Variants in PHLDB1 observed in about 807,000 individuals in gnomAD.
PHLDB1 encodes the protein pleckstrin homology-like domain family B member 1.
Under a neutral mutation model 139.3 loss-of-function variants are expected in PHLDB1, and 65 were observed. The ratio of observed to expected loss-of-function variants is 0.47; its 90% confidence interval spans 0.38 to 0.57. The LOEUF is 0.57. Ranked by LOEUF, PHLDB1 falls within the 20% of genes least tolerant of loss-of-function variation. The pLI is 0.00. For synonymous variants in PHLDB1, 679 were observed against 734.5 expected (o/e 0.92, Z 1.22); for missense variants, 1,624 against 1,839.7 (o/e 0.88, Z 2.14).
At position 118,657,030 on chromosome 11, in the gene PHLDB1, G is replaced by A. The variant is rs917143882; in HGVS notation, c.*207G>A. ...GGGTCCTGCCCCAGGCCCAGCCAGG[G>A]CTGAGGAGCTGTCACAGAGAGGGCC... On this transcript the variant is annotated 3_prime_UTR_variant, in exon 23 of 23. Transcript: ENST00000600882. 2.1e-5 allele frequency: 10 copies of A among 478,136 alleles called. No homozygotes were observed. Among genetic ancestry groups the A allele is most frequent in the South Asian group, 1.9e-4 (5 of 25,978 alleles). The allele number at this position is 478,136 out of a possible 1,614,324, so 29.6% of individuals were successfully genotyped here. A position where few individuals can be genotyped will look rare whatever the true frequency, so the allele number is the denominator to read the frequency against.
Position 118,608,130 on chromosome 11 carries a change from C to T in PHLDB1, c.-22+431C>T, listed in dbSNP as rs1042327090. Among the ~76,000 whole-genome samples the T allele has an allele frequency of 6.6e-6, 1 of 152,016 alleles. No homozygotes were observed. Among genetic ancestry groups the T allele is most frequent in the Admixed American group, 6.5e-5 (1 of 15,286 alleles). On this transcript the variant is annotated intron_variant, in intron 1 of 22. Transcript: ENST00000600882. This position sits in a 1 kb window ranked among gnomAD's most constrained non-coding sequence, Gnocchi z 6.7. ...CTCCGCCCACAGCAGGACCTTGGGGCGGGGGTATCTCCTGTGACGTCTCCC... is the reference window on the plus strand; with the variant it reads ...CTCCGCCCACAGCAGGACCTTGGGGTGGGGGTATCTCCTGTGACGTCTCCC...
chr11:118,643,155 G>A (rs1340739409), intron 13 of PHLDB1, among the ~76,000 whole-genome samples: 1 of 152,216 alleles, frequency 6.6e-6, no homozygotes, highest in African/African-American at 2.4e-5. Context: ...GCTGGTTAGA[G>A]ATTTTAACGT....
intron 9 of PHLDB1, chr11:118,635,098 A>C: frequency 2.2e-4 from 107 of 477,708 alleles, no homozygotes; most frequent in East Asian, 4.2e-4. Flanking sequence ...GCCACGCCCC[A>C]GAAGGAAGAG....
Position 118,631,328 on chromosome 11 carries a change from G to A in PHLDB1, c.1949G>A (p.Gly650Asp). 6.5e-7 allele frequency: 1 copy of A among 1,542,342 alleles called. No homozygotes were observed. The highest frequency in any genetic ancestry group is 1.2e-5 in the South Asian group (1 of 80,996). Residue 650 changes from glycine to aspartate, a missense_variant, in exon 7 of 23, where the codon GGC becomes GAC. Physicochemically the swap from Gly to Asp is moderately conservative, Grantham distance 94 (BLOSUM62 -1). Coordinates refer to ENST00000600882, the MANE Select transcript of PHLDB1 (RefSeq NM_001144758.3). ...GEATAALALA[G>D]RRPSRGLAGA... ...GCCACCGCAGCATTGGCACTGGCAG[G>A]CCGGAGGCCCTCACGAGGCCTTGCA...
chr11:118,644,925 A>AG (rs1947227095), intron 15 of PHLDB1: 1 of 268,684 alleles, frequency 3.7e-6, no homozygotes, highest in African/African-American at 2.3e-5. Context: ...TCTGCATTGC[A>AG]GGGGGGTCTG....
chr11:118,625,308 C>T (rs1156599683), intron 5 of PHLDB1, among the ~76,000 whole-genome samples: 1 of 152,210 alleles, frequency 6.6e-6, no homozygotes, highest in Non-Finnish European at 1.5e-5. Flanking sequence ...CCAGCTTGTA[C>T]CCCACTGCCC....
chr11:118,613,692 A>G (rs1349994043), intron 1 of PHLDB1, 124 bp from the exon 2 acceptor site: 14 of 640,420 alleles, frequency 2.2e-5, no homozygotes, highest in Non-Finnish European at 3.2e-5. Context: ...TCCCTTCAGC[A>G]TGAGCATTTG....
At position 118,611,795 on chromosome 11, in the gene PHLDB1, G is replaced by A. The variant is rs1555084081; in HGVS notation, c.-21-2021G>A. ...ATAGCACCGCTGCACTCCAGCCTGG[G>A]CAACAAGAGTGAAACTCCGTCTCAA... On this transcript the variant is annotated intron_variant, in intron 1 of 22. Coordinates refer to ENST00000600882, the MANE Select transcript of PHLDB1 (RefSeq NM_001144758.3). The surrounding 1 kb of genome is among the most constrained non-coding windows in gnomAD (Gnocchi z 4.7). Among the ~76,000 whole-genome samples the A allele has an allele frequency of 6.7e-6, 1 of 149,732 alleles. No homozygotes were observed. The highest frequency in any genetic ancestry group is 6.7e-5 in the Admixed American group (1 of 14,974).
chr11:118,609,829 C>T (rs1555082190), intron 1 of PHLDB1, among the ~76,000 whole-genome samples: 1 of 152,234 alleles, frequency 6.6e-6, no homozygotes, highest in Non-Finnish European at 1.5e-5. Flanking sequence ...CGCTACCTTG[C>T]GGAAACCTCC....
Position 118,610,022 on chromosome 11 carries a change from C to G in PHLDB1, c.-22+2323C>G, listed in dbSNP as rs1326519869. Among the ~76,000 whole-genome samples, 5 of 151,758 alleles carry G rather than the reference C, an allele frequency of 3.3e-5. No individual in the cohort carries two copies. Among genetic ancestry groups the G allele is most frequent in the Admixed American group, 2.0e-4 (3 of 15,252 alleles). ...CTCTCCTTCGCCCCATCTCCCCGCCCGTCAGCCTCCCCTCCGCTGCCCTCG... is the reference window on the plus strand; with the variant it reads ...CTCTCCTTCGCCCCATCTCCCCGCCGGTCAGCCTCCCCTCCGCTGCCCTCG... On this transcript the variant is annotated intron_variant, in intron 1 of 22. Transcript: ENST00000600882. This position sits in a 1 kb window ranked among gnomAD's most constrained non-coding sequence, Gnocchi z 8.7.
intron 5 of PHLDB1, among the ~76,000 whole-genome samples, chr11:118,626,634 C>T (rs1033911836): frequency 1.3e-5 from 2 of 150,922 alleles, no homozygotes; most frequent in East Asian, 2.0e-4. Flanking sequence ...ACATCCATTT[C>T]GGCTTCACAA....
chr11:118,649,955 C>T (rs1015642641), intron 18 of PHLDB1, 122 bp from the exon 19 acceptor site: 20 of 744,344 alleles, frequency 2.7e-5, no homozygotes, highest in African/African-American at 1.7e-4. Flanking sequence ...CCACAGTGAC[C>T]GCCATGGGTT....
At chr11:118,643,225 T>C (rs565719370) in intron 13 of PHLDB1, among the ~76,000 whole-genome samples, 33 of 152,350 alleles carry the variant, frequency 2.2e-4, no homozygotes, top group African/African-American at 7.5e-4. Flanking sequence ...ACTCATTTTA[T>C]AGATGAAACA....
rs368165240 is a variant in PHLDB1 at position 118,648,105 on chromosome 11, T to C, written c.3654+29T>C. Reference sequence around the variant, plus strand: ...AATGGGCAGTGGGGCACAGTGGTGGTTGGTTTGACGGTGAGGGCTGTAGAG... The same window carrying C: ...AATGGGCAGTGGGGCACAGTGGTGGCTGGTTTGACGGTGAGGGCTGTAGAG... On this transcript the variant is annotated intron_variant, in intron 18 of 22. Transcript: ENST00000600882. 22 of 1,608,144 alleles carry C rather than the reference T, an allele frequency of 1.4e-5. No individual in the cohort carries two copies. In the African/African-American group the frequency reaches 2.5e-4, roughly 19 times the overall value.
rs571394958 is a variant in PHLDB1 at position 118,608,560 on chromosome 11, T to G, written c.-22+861T>G. 2.0e-5 allele frequency among the ~76,000 whole-genome samples: 3 copies of G among 152,188 alleles called. No individual in the cohort carries two copies. The South Asian group carries it at 6.2e-4, about 32-fold the overall frequency. On this transcript the variant is annotated intron_variant, in intron 1 of 22. Coordinates refer to ENST00000600882, the MANE Select transcript of PHLDB1 (RefSeq NM_001144758.3). This position sits in a 1 kb window ranked among gnomAD's most constrained non-coding sequence, Gnocchi z 6.7. Reference sequence around the variant, plus strand: ...CAGCCCTGCCGGGGACCCACGGCTCTGGGGCGGGGCTGCATTCTGGGCCGT... The same window carrying G: ...CAGCCCTGCCGGGGACCCACGGCTCGGGGGCGGGGCTGCATTCTGGGCCGT...
In PHLDB1 at chr11:118,622,490, C is replaced by T. The variant is rs375904423; in HGVS notation, c.356-2444C>T. Among the ~76,000 whole-genome samples the T allele has an allele frequency of 1.4e-4, 22 of 152,346 alleles. No homozygotes were observed. In the East Asian group the frequency reaches 4.2e-3, roughly 29 times the overall value. On this transcript the variant is annotated intron_variant, in intron 4 of 22. Coordinates refer to ENST00000600882, the MANE Select transcript of PHLDB1 (RefSeq NM_001144758.3). ...CCCAGAGGCAGCATGGCCACACCCC[C>T]TTATGCCGGGGAGGGTGAAGGGCTG...
intron 18 of PHLDB1, among the ~76,000 whole-genome samples, chr11:118,648,317 G>GTGTGTT (rs1399614976): frequency 1.7e-5 from 2 of 115,954 alleles, no homozygotes; most frequent in African/African-American, 2.9e-5. Context: ...GTGTGTGTGT[G>GTGTGTT]TGTGTGTTTG....
At chr11:118,655,559 C>A (rs782679272) in intron 20 of PHLDB1, 46 bp from the exon 21 acceptor site, 2 of 1,221,872 alleles carry the variant, frequency 1.6e-6, no homozygotes, top group Admixed American at 3.4e-5. Context: ...TGGAGCTAGA[C>A]CTGAAGTGTG....
chr11:118,642,231 C>T (rs782252184), intron 12 of PHLDB1, 23 bp from the exon 13 acceptor site: 1 of 1,608,204 alleles, frequency 6.2e-7, no homozygotes. Flanking sequence ...GTCCCCTTTT[C>T]CCCTCCCCAT....
Sources: allele counts gnomAD v4.1 joint callset (sites outside exome capture counted in the v4.1 genomes callset), GRCh38; gene constraint gnomAD v4.1.1; non-coding constraint Gnocchi (gnomAD v3.1); transcripts MANE v1.5; gene names NCBI Gene and HGNC (gene_info 2026-07-23, HGNC 2026-07-21).